LIPA: variants seen among roughly 807,000 people sequenced by gnomAD.
The protein encoded by LIPA is lysosomal acid lipase/cholesteryl ester hydrolase.
In LIPA, 26 loss-of-function variants were observed where a neutral mutation model predicts 40.6. That is an observed-to-expected ratio of 0.64 (90% CI 0.47 to 0.89). LIPA has a LOEUF of 0.89. Ranked by LOEUF, LIPA falls within the 40% of genes least tolerant of loss-of-function variation. The pLI, the probability that LIPA is intolerant of heterozygous loss-of-function variation, is 0.00. For missense variants in LIPA, 455 were observed against 479.6 expected (o/e 0.95, Z 0.48); for synonymous variants, 188 against 168.4 (o/e 1.12, Z -0.90).
intron 2 of LIPA, among the ~76,000 whole-genome samples, chr10:89,371,053 A>G (rs1487123292): frequency 6.6e-6 from 1 of 152,212 alleles, no homozygotes; most frequent in African/African-American, 2.4e-5. Flanking sequence ...ATTTTCTCCA[A>G]GTATTGCCAG....
chr10:89,330,549 G>T (rs1205808138), intron 1 of LIPA, among the ~76,000 whole-genome samples: 1 of 152,196 alleles, frequency 6.6e-6, no homozygotes, highest in African/African-American at 2.4e-5. Flanking sequence ...CACAAGAACT[G>T]AACCCAGATC....
At chr10:89,231,236 A>G (rs149472964) in intron 3 of LIPA, among the ~76,000 whole-genome samples, 16 of 152,372 alleles carry the variant, frequency 1.1e-4, no homozygotes, top group African/African-American at 3.1e-4. Flanking sequence ...TGATAAGACT[A>G]TAAGTGAATT....
chr10:89,328,919 T>C (rs1843624093), intron 1 of LIPA, among the ~76,000 whole-genome samples: 2 of 152,210 alleles, frequency 1.3e-5, no homozygotes, highest in African/African-American at 2.4e-5. Flanking sequence ...GAGGTAGTGA[T>C]GGTGGCTACA....
At chr10:89,375,300 T>C (rs1426868259) in intron 2 of LIPA, among the ~76,000 whole-genome samples, 1 of 152,222 alleles carries the variant, frequency 6.6e-6, no homozygotes, top group Admixed American at 6.5e-5. Context: ...CCAGGTAGTC[T>C]GATTCCAGGT....
chr10:89,338,587 A>C, intron 1 of LIPA: 1 of 1,381,400 alleles, frequency 7.2e-7, no homozygotes, highest in Non-Finnish European at 9.9e-7. Flanking sequence ...TTCAATTGAC[A>C]TATAAAATTA....
chr10:89,225,156 G>A lies in LIPA; in HGVS notation c.611C>T (p.Ala204Val), dbSNP rs139585872. Residue 204 changes from alanine to valine, a missense_variant, in exon 6 of 10, where the codon GCT (alanine) becomes GTT (valine). Physicochemically the swap from Ala to Val is moderately conservative, Grantham distance 64. Transcript: ENST00000336233. The stretch of plus-strand genomic sequence containing the variant: ...AGGGCTAGTACAGAAGGCGACGGAA[G>A]CCACAGGACCCAGGGCAAAAAACAT... The part of the protein sequence containing the change: ...IKMFFALGPV[A>V]SVAFCTSPMA... 39 of 1,614,208 alleles carry A rather than the reference G, an allele frequency of 2.4e-5. No individual in the cohort carries two copies. In the African/African-American group the frequency reaches 4.4e-4, roughly 18 times the overall value.
chr10:89,402,501 A>C (rs776235271), intron 2 of LIPA: 1 of 1,614,116 alleles, frequency 6.2e-7, no homozygotes, highest in African/African-American at 1.3e-5. Context: ...GAAGAGCTTA[A>C]AAGAAGCTGA....
intron 2 of LIPA, chr10:89,393,016 A>G (rs1248930896): frequency 2.6e-6 from 2 of 781,504 alleles, no homozygotes; most frequent in African/African-American, 3.5e-5. Flanking sequence ...AATGATCCCA[A>G]TCTGAGAGAT....
intron 2 of LIPA, among the ~76,000 whole-genome samples, chr10:89,372,686 G>A (rs917545447): frequency 1.3e-5 from 2 of 152,244 alleles, no homozygotes; most frequent in African/African-American, 4.8e-5. Context: ...AATATGTTTG[G>A]ATCGCAGGTT....
chr10:89,325,932 C>A (rs1311408865), intron 1 of LIPA, among the ~76,000 whole-genome samples: 1 of 151,960 alleles, frequency 6.6e-6, no homozygotes, highest in Non-Finnish European at 1.5e-5. Flanking sequence ...AAAAGACAGG[C>A]AATAACAAAT....
intron 1 of LIPA, among the ~76,000 whole-genome samples, chr10:89,280,882 C>T (rs1843311129): frequency 6.6e-6 from 1 of 152,034 alleles, no homozygotes; most frequent in Non-Finnish European, 1.5e-5. Context: ...TTCTGTTTAC[C>T]TCTTTGCATT....
At chr10:89,293,969 T>C (rs940976487) in intron 1 of LIPA, among the ~76,000 whole-genome samples, 2 of 152,190 alleles carry the variant, frequency 1.3e-5, no homozygotes, top group South Asian at 4.1e-4. Flanking sequence ...ATAAGCTCCA[T>C]GAAGACAGAG....
intron 1 of LIPA, among the ~76,000 whole-genome samples, chr10:89,274,715 AGGGATAAGGAT>A (rs1843281524): frequency 6.6e-6 from 1 of 152,170 alleles, no homozygotes; most frequent in African/African-American, 2.4e-5. Flanking sequence ...ACAAGAGACT[AGGGATAAGGAT>A]GGCCACCAGA....
At chr10:89,236,751 T>C (rs1842909614) in intron 3 of LIPA, among the ~76,000 whole-genome samples, 1 of 128,304 alleles carries the variant, frequency 7.8e-6, no homozygotes. Flanking sequence ...ATACCTTTTA[T>C]CTCATATTGA....
At chr10:89,406,287 T>C (rs1453485344) in intron 2 of LIPA, 1 of 152,110 alleles carries the variant, frequency 6.6e-6, no homozygotes, top group Non-Finnish European at 1.5e-5. Flanking sequence ...AGCTAAAGTA[T>C]TGTAAAATGG....
chr10:89,320,767 C>T (rs1843566896), intron 1 of LIPA, among the ~76,000 whole-genome samples: 1 of 152,158 alleles, frequency 6.6e-6, no homozygotes, highest in Non-Finnish European at 1.5e-5. Context: ...CAAGACAATC[C>T]TAAGCCAAAA....
chr10:89,255,819 C>A (rs1295147638), upstream of LIPA, among the ~76,000 whole-genome samples: 2 of 152,122 alleles, frequency 1.3e-5, no homozygotes, highest in South Asian at 4.1e-4. Context: ...TCAACTCAGG[C>A]CATGTCAGGA....
chr10:89,242,875 T>G (rs1278863197), intron 3 of LIPA, among the ~76,000 whole-genome samples: 2 of 152,224 alleles, frequency 1.3e-5, no homozygotes, highest in Non-Finnish European at 2.9e-5. Context: ...CTCTCTCAGC[T>G]GCTGAGCTTA....
chr10:89,247,188 T>C (rs951662796), intron 2 of LIPA, among the ~76,000 whole-genome samples: 1 of 151,698 alleles, frequency 6.6e-6, no homozygotes, highest in African/African-American at 2.4e-5. Context: ...CTGGGCAACA[T>C]GGTGAAACCC....
Sources: gnomAD v4.1 joint callset for allele counts (sites outside exome capture counted in the v4.1 genomes callset) on GRCh38, gnomAD v4.1.1 for gene constraint, MANE v1.5 for transcripts, NCBI Gene and HGNC (gene_info 2026-07-23, HGNC 2026-07-21) for gene names.